PDE4D: variants seen among roughly 807,000 people sequenced by gnomAD.
The protein encoded by PDE4D is phosphodiesterase 4D.
PDE4D carries 24 observed loss-of-function variants against 87.4 expected under a neutral mutation model. That is an observed-to-expected ratio of 0.27 (90% CI 0.20 to 0.39). The LOEUF is 0.39. Among genes scored for constraint, PDE4D ranks in the 10% least tolerant of loss-of-function variants. The pLI is 1.00. For missense variants in PDE4D, 714 were observed against 1,041.0 expected (o/e 0.69, Z 4.32); for synonymous variants, 384 against 383.2 (o/e 1.00, Z -0.02).
At chr5:60,211,695 G>T (rs1743248655) in intron 1 of PDE4D, among the ~76,000 whole-genome samples, 1 of 151,714 alleles carries the variant, frequency 6.6e-6, no homozygotes, top group Non-Finnish European at 1.5e-5. Flanking sequence ...AAACAGAAAA[G>T]AGAGAACTAG....
chr5:59,122,659 T>C (rs187644840), intron 5 of PDE4D, among the ~76,000 whole-genome samples: 260 of 152,284 alleles, frequency 1.7e-3, no homozygotes, highest in Non-Finnish European at 3.1e-3. Context: ...TATACAGTAA[T>C]TATGCACCAA....
intron 1 of PDE4D, among the ~76,000 whole-genome samples, chr5:59,511,573 T>C (rs1321459367): frequency 1.3e-5 from 2 of 151,992 alleles, no homozygotes; most frequent in Admixed American, 1.3e-4. Context: ...GGACAGACCA[T>C]TAGCTTTTAC....
chr5:59,550,665 GAAGA>G (rs1184867942), intron 1 of PDE4D, among the ~76,000 whole-genome samples: 1 of 151,390 alleles, frequency 6.6e-6, no homozygotes, highest in African/African-American at 2.4e-5. Context: ...CATTTTCCTG[GAAGA>G]AAGGTCATTT....
chr5:60,505,367 A>C (rs557571927), intron 1 of PDE4D, among the ~76,000 whole-genome samples: 31 of 152,310 alleles, frequency 2.0e-4, no homozygotes, highest in Non-Finnish European at 3.4e-4. Context: ...TTTTAAACAT[A>C]TAATATTGGG....
chr5:60,145,456 C>T (rs191308181), intron 2 of PDE4D, among the ~76,000 whole-genome samples: 16 of 152,300 alleles, frequency 1.1e-4, no homozygotes, highest in Admixed American at 8.5e-4. Context: ...TAAGAGTCAT[C>T]TTAACATTGC....
chr5:60,024,432 A>T (rs1010415113), intron 2 of PDE4D, among the ~76,000 whole-genome samples: 2 of 152,204 alleles, frequency 1.3e-5, no homozygotes, highest in Non-Finnish European at 2.9e-5. Context: ...TTATTGTTTC[A>T]AAGATGTATT....
chr5:60,190,358 G>A (rs1214094105), intron 1 of PDE4D, among the ~76,000 whole-genome samples: 2 of 152,190 alleles, frequency 1.3e-5, no homozygotes, highest in Non-Finnish European at 2.9e-5. Context: ...ATTGGTAGCA[G>A]AAACAAGGGA....
intron 1 of PDE4D, among the ~76,000 whole-genome samples, chr5:60,496,338 A>G (rs1402311169): frequency 1.3e-5 from 2 of 152,222 alleles, no homozygotes; most frequent in East Asian, 3.8e-4. Context: ...GACAAGAATG[A>G]AATATTATTT....
At chr5:59,520,261 A>AAAAC (rs942787552) in intron 1 of PDE4D, among the ~76,000 whole-genome samples, 5 of 152,158 alleles carry the variant, frequency 3.3e-5, no homozygotes, top group East Asian at 1.9e-4. Context: ...AGATTCTATC[A>AAAAC]AAACAAACAA....
chr5:60,172,038 G>A (rs932263241), intron 2 of PDE4D, among the ~76,000 whole-genome samples: 7 of 148,490 alleles, frequency 4.7e-5, no homozygotes, highest in East Asian at 1.9e-4. Context: ...AATAATAATC[G>A]TATCATAGAA....
intron 6 of PDE4D, among the ~76,000 whole-genome samples, chr5:59,005,147 A>G (rs1194054805): frequency 6.6e-6 from 1 of 152,188 alleles, no homozygotes; most frequent in African/African-American, 2.4e-5. Flanking sequence ...CATATAGTAG[A>G]TAATACTCCT....
chr5:59,803,385 G>GC (rs1201560808), intron 1 of PDE4D, among the ~76,000 whole-genome samples: 1 of 145,058 alleles, frequency 6.9e-6, no homozygotes, highest in Non-Finnish European at 1.5e-5. Flanking sequence ...TGCAACCTCC[G>GC]CCCCCCGGGT....
intron 2 of PDE4D, among the ~76,000 whole-genome samples, chr5:60,047,009 G>T (rs1769354533): frequency 6.6e-6 from 1 of 152,068 alleles, no homozygotes; most frequent in African/African-American, 2.4e-5. Context: ...GACTCTTTTT[G>T]GTTGGTAAGC....
chr5:60,456,896 A>G (rs1330591504), intron 1 of PDE4D, among the ~76,000 whole-genome samples: 3 of 151,854 alleles, frequency 2.0e-5, no homozygotes, highest in African/African-American at 4.8e-5. Flanking sequence ...ACTCTCTACC[A>G]CCTGATTTTT....
intron 2 of PDE4D, among the ~76,000 whole-genome samples, chr5:60,161,130 CT>C (rs1782441568): frequency 6.6e-6 from 1 of 152,106 alleles, no homozygotes; most frequent in Admixed American, 6.5e-5. Flanking sequence ...TCAATAGACA[CT>C]GAGAGAAGGG....
At chr5:59,360,843 G>C (rs1782093961) in intron 1 of PDE4D, among the ~76,000 whole-genome samples, 1 of 152,128 alleles carries the variant, frequency 6.6e-6, no homozygotes, top group Non-Finnish European at 1.5e-5. Flanking sequence ...CACTGGGAAA[G>C]CATGCTCTGT....
At chr5:60,404,321 C>A (rs1741352658) in intron 1 of PDE4D, among the ~76,000 whole-genome samples, 1 of 145,712 alleles carries the variant, frequency 6.9e-6, no homozygotes, top group Non-Finnish European at 1.5e-5. Flanking sequence ...TGTTGAGCAA[C>A]TATTATTTTG....
chr5:59,421,833 C>T (rs1794527792), intron 1 of PDE4D, among the ~76,000 whole-genome samples: 1 of 152,022 alleles, frequency 6.6e-6, no homozygotes, highest in Non-Finnish European at 1.5e-5. Flanking sequence ...CATATATTTA[C>T]TGTCTGATTA....
At position 60,138,847 on chromosome 5, in the gene PDE4D, A is replaced by C. The variant is rs1780277341; in HGVS notation, c.42+46710T>G. On this transcript the variant is annotated intron_variant, in intron 2 of 16. Transcript: ENST00000502484. The stretch of plus-strand genomic sequence containing the variant: ...CCTCCAATTATTAGTCATAATTGCA[A>C]TATTGGTATCTACATTCACATTGTT... Among the ~76,000 whole-genome samples, 2 of 152,274 alleles carry C rather than the reference A, an allele frequency of 1.3e-5. 1 individual carries two copies. The highest frequency in any genetic ancestry group is 6.8e-3 in the Middle Eastern group (2 of 294).
Sources: gnomAD v4.1 joint callset for allele counts (sites outside exome capture counted in the v4.1 genomes callset) on GRCh38, gnomAD v4.1.1 for gene constraint, MANE v1.5 for transcripts, NCBI Gene and HGNC (gene_info 2026-07-23, HGNC 2026-07-21) for gene names.